The following SRCIN1 variants were observed in gnomAD, a reference collection of about 807,000 sequenced individuals.
SRCIN1 encodes SRC kinase signaling inhibitor 1.
Under a neutral mutation model 116.2 loss-of-function variants are expected in SRCIN1, and 50 were observed. The ratio of observed to expected loss-of-function variants is 0.43; its 90% CI spans 0.34 to 0.54. The LOEUF is 0.54. SRCIN1 is among the 20% of genes least tolerant of loss of function. The probability of loss-of-function intolerance (pLI) is 0.02; values close to 1 mark genes in which losing one functional copy is unlikely to be tolerated. For synonymous variants in SRCIN1, 736 were observed against 750.0 expected (o/e 0.98, Z 0.30); for missense variants, 1,446 against 1,672.0 (o/e 0.86, Z 2.36).
rs756489050 is a variant in SRCIN1, at chr17:38,530,910, C to T, written c.*2387G>A. 1.3e-5 allele frequency: 2 copies of T among 151,840 alleles called. No individual in the cohort carries two copies. Among genetic ancestry groups the T allele is most frequent in the African/African-American group, 2.4e-5 (1 of 41,436 alleles). 9.4% of individuals were successfully genotyped at this position (151,840 alleles called of 1,614,324 possible). On this transcript the variant is annotated 3_prime_UTR_variant, in exon 19 of 19. Transcript: ENST00000617146. Reference sequence around the variant, plus strand: ...TGGGTGCAGGCCCCATGCGTCTGCACACACAGTGCATGGGCTTGTGCCAGC... The same window carrying T: ...TGGGTGCAGGCCCCATGCGTCTGCATACACAGTGCATGGGCTTGTGCCAGC...
chr17:38,584,850 G>A (rs1015570445), intron 1 of SRCIN1, among the ~76,000 whole-genome samples: 1 of 152,202 alleles, frequency 6.6e-6, no homozygotes, highest in Non-Finnish European at 1.5e-5. Flanking sequence ...GGGGAGAGGA[G>A]AGGAGAGGGA....
chr17:38,554,734 G>A (rs1400274706), intron 11 of SRCIN1, among the ~76,000 whole-genome samples: 2 of 152,226 alleles, frequency 1.3e-5, no homozygotes, highest in Non-Finnish European at 2.9e-5. Flanking sequence ...AATGAACAAG[G>A]GAGAGAAGGA....
In SRCIN1 at chr17:38,563,498, C is replaced by T. The variant is rs1434295886; in HGVS notation, c.565G>A (p.Glu189Lys). The change falls in exon 5 of 19, where the codon GAG (glutamate) becomes AAG (lysine). Residue 189 changes from glutamate (E) to lysine (K), a missense_variant. Physicochemically the swap from Glu to Lys is moderately conservative, Grantham distance 56. Around this residue, in one of 5 missense-constraint regions of SRCIN1, gnomAD observed 246 missense variants for 265.1 expected, o/e 0.93. Transcript: ENST00000617146. The surrounding 1 kb of genome is among the most constrained non-coding windows in gnomAD (Gnocchi z 5.8). ...SPGVLFLQFG[E>K]ETRRVHITHE... Reference sequence around the variant, plus strand: ...GTGATGTGCACGCGCCGAGTCTCCTCCCCGAACTGCAGGAACAGCACCCCT... The same window carrying T: ...GTGATGTGCACGCGCCGAGTCTCCTTCCCGAACTGCAGGAACAGCACCCCT... 4 of 1,551,982 alleles carry T rather than the reference C, an allele frequency of 2.6e-6. No homozygotes were observed. The highest frequency in any genetic ancestry group is 1.4e-5 in the African/African-American group (1 of 73,138).
rs1250994196 is a variant in SRCIN1, at chr17:38,530,872, T to A, written c.*2425A>T. 6.6e-6 allele frequency: 1 copy of A among 152,274 alleles called. No homozygotes were observed. Among genetic ancestry groups the A allele is most frequent in the Non-Finnish European group, 1.5e-5 (1 of 68,068 alleles). 9.4% of individuals were successfully genotyped at this position (152,274 alleles called of 1,614,324 possible). A position where few individuals can be genotyped will look rare whatever the true frequency, so the allele number is the denominator to read the frequency against. On this transcript the variant is annotated 3_prime_UTR_variant, in exon 19 of 19. Transcript: ENST00000617146. ...CCCACGCCTTCCCCCACACATGTGC[T>A]CGGCCATGCCTGTGGGTGCAGGCCC...
chr17:38,564,295 T>G lies in SRCIN1; in HGVS notation c.364A>C (p.Thr122Pro). ...GCCAGCCCGGGCTGGGCTCCCTGAG[T>G]GTGGCGTGAGCTGCGGGTCTGCAGG... is the stretch of plus-strand genomic sequence containing the variant. ...WSFKTRSSRHTQGAQPGLADQ... is the reference protein window; with the variant it reads ...WSFKTRSSRHPQGAQPGLADQ... Residue 122 changes from threonine (T) to proline (P), a missense_variant, in exon 4 of 19, where the codon ACT becomes CCT. This residue lies in a region of SRCIN1 where 246 missense variants were observed against 265.1 expected (regional missense o/e 0.93). Coordinates refer to ENST00000617146, the MANE Select transcript of SRCIN1 (RefSeq NM_025248.3). 6.4e-7 allele frequency: 1 copy of G among 1,562,132 alleles called. No homozygotes were observed.
In SRCIN1 at chr17:38,563,688, G is replaced by C. The variant is rs1597906272; in HGVS notation, c.542-167C>G. On this transcript the variant is annotated intron_variant, in intron 4 of 18. Coordinates refer to ENST00000617146, the MANE Select transcript of SRCIN1 (RefSeq NM_025248.3). The surrounding 1 kb of genome is among the most constrained non-coding windows in gnomAD (Gnocchi z 5.8). ...CCCAGGCACCTCTCATGCTGCCGGC[G>C]GGGGCGCCAGGCCGGCTCTCCAGCC... 1.0e-6 allele frequency: 1 copy of C among 969,562 alleles called. No individual in the cohort carries two copies. Among genetic ancestry groups the C allele is most frequent in the South Asian group, 1.4e-5 (1 of 71,944 alleles). 60.1% of individuals were successfully genotyped at this position (969,562 alleles called of 1,614,324 possible).
intron 2 of SRCIN1, among the ~76,000 whole-genome samples, chr17:38,577,005 C>T (rs12949658): frequency 0.082 from 12,417 of 152,252 alleles, 529 homozygotes; most frequent in Middle Eastern, 0.11. Context: ...TGAGCCTTCT[C>T]GCCGGCCAGG....
rs1908066491 is a variant in SRCIN1 at position 38,585,534 on chromosome 17, G to A, written c.23-6743C>T. On this transcript the variant is annotated intron_variant, in intron 1 of 18. Transcript: ENST00000617146. The surrounding 1 kb of genome is among the most constrained non-coding windows in gnomAD (Gnocchi z 4.2). ...CCCGAATTAGGAGAGGGGATCCTTT[G>A]CTTCCCCTGCTAGTGAAGGAATCGG... 6.6e-6 allele frequency among the ~76,000 whole-genome samples: 1 copy of A among 152,168 alleles called. No individual in the cohort carries two copies. Among genetic ancestry groups the A allele is most frequent in the Non-Finnish European group, 1.5e-5 (1 of 68,034 alleles).
Position 38,595,358 on chromosome 17 carries a change from C to G in SRCIN1, c.22+10326G>C, listed in dbSNP as rs1312455178. ...TCAGCTTCCTGAGTAGCTGGGATTACAGACACCCGCCACCACACCCAGCTA... is the reference window on the plus strand; with the variant it reads ...TCAGCTTCCTGAGTAGCTGGGATTAGAGACACCCGCCACCACACCCAGCTA... On this transcript the variant is annotated intron_variant, in intron 1 of 18. Coordinates refer to ENST00000617146, the MANE Select transcript of SRCIN1 (RefSeq NM_025248.3). 2.6e-4 allele frequency among the ~76,000 whole-genome samples: 40 copies of G among 152,130 alleles called. 1 individual carries two copies. The highest frequency in any genetic ancestry group is 2.6e-3 in the Admixed American group (40 of 15,272).
At chr17:38,557,338 T>C (rs1421891465) in intron 11 of SRCIN1, among the ~76,000 whole-genome samples, 8 of 152,180 alleles carry the variant, frequency 5.3e-5, no homozygotes, top group Admixed American at 5.2e-4. Context: ...GGTGAAAAAC[T>C]TAATGCTGGG....
Position 38,562,115 on chromosome 17 carries a change from C to T in SRCIN1, c.1048G>A (p.Glu350Lys), listed in dbSNP as rs1906302308. Reference sequence around the variant, plus strand: ...GCGGCCGGGGCGCCTCCCAGCCTCTCGGCCGCGTGGTGCACCGGGCTGCCG... The same window carrying T: ...GCGGCCGGGGCGCCTCCCAGCCTCTTGGCCGCGTGGTGCACCGGGCTGCCG... ...YAGSPVHHAA[E>K]RLGGAPAAQG... The change falls in exon 7 of 19, where the codon GAG becomes AAG. Residue 350 changes from glutamate to lysine, a missense_variant. Physicochemically the swap from Glu to Lys is moderately conservative, Grantham distance 56. This residue lies in a region of SRCIN1 where 239 missense variants were observed against 317.7 expected (regional missense o/e 0.75). Coordinates refer to ENST00000617146, the MANE Select transcript of SRCIN1 (RefSeq NM_025248.3). This position sits in a 1 kb window ranked among gnomAD's most constrained non-coding sequence, Gnocchi z 4.2. 1 of 1,405,676 alleles carries T rather than the reference C, an allele frequency of 7.1e-7. No homozygotes were observed. Among genetic ancestry groups the T allele is most frequent in the Non-Finnish European group, 9.2e-7 (1 of 1,087,250 alleles). The allele number at this position is 1,405,676 out of a possible 1,614,324, so 87.1% of individuals were successfully genotyped here. A position where few individuals can be genotyped will look rare whatever the true frequency, so the allele number is the denominator to read the frequency against.
rs1441450467 is a variant in SRCIN1 at position 38,561,765 on chromosome 17, G to A, written c.1398C>T (p.Tyr466=). ...GGGGPLYGDG[Y]GFRLPPSSPQ... ...GTGACGAAGGCGGCAGGCGGAAGCC[G>A]TAGCCGTCGCCGTACAGCGGGCCGC... The change falls in exon 7 of 19, where the codon TAC becomes TAT. Residue 466 remains tyrosine, a synonymous_variant. Transcript: ENST00000617146. The A allele has an allele frequency of 6.6e-7, 1 of 1,509,090 alleles. No individual in the cohort carries two copies. Among genetic ancestry groups the A allele is most frequent in the Admixed American group, 2.1e-5 (1 of 47,584 alleles). 93.5% of individuals were successfully genotyped at this position (1,509,090 alleles called of 1,614,324 possible). A position where few individuals can be genotyped will look rare whatever the true frequency, so the allele number is the denominator to read the frequency against.
chr17:38,555,290 C>A (rs1256694176), intron 11 of SRCIN1, among the ~76,000 whole-genome samples: 1 of 152,192 alleles, frequency 6.6e-6, no homozygotes, highest in African/African-American at 2.4e-5. Flanking sequence ...ATGCTGCTTC[C>A]AGACCTGGCT....
chr17:38,533,991 C>T (rs2040965013), intron 18 of SRCIN1, among the ~76,000 whole-genome samples: 1 of 151,852 alleles, frequency 6.6e-6, no homozygotes. Context: ...CCACCACCAC[C>T]TGGAAATCTG....
chr17:38,565,051 C>A (rs960252227), intron 3 of SRCIN1, among the ~76,000 whole-genome samples: 2 of 152,028 alleles, frequency 1.3e-5, no homozygotes, highest in Non-Finnish European at 2.9e-5. Flanking sequence ...CCCCAGGAGC[C>A]TCTGAGTGAC....
chr17:38,603,069 C>A (rs547315182), intron 1 of SRCIN1, among the ~76,000 whole-genome samples: 180 of 152,312 alleles, frequency 1.2e-3, no homozygotes, highest in Middle Eastern at 6.8e-3. Context: ...CCATGCCACC[C>A]CCACCCTCTA....
chr17:38,588,500 G>A (rs1288551114), intron 1 of SRCIN1, among the ~76,000 whole-genome samples: 1 of 152,228 alleles, frequency 6.6e-6, no homozygotes, highest in East Asian at 1.9e-4. Context: ...CAGGCCGAGC[G>A]GGAGGGGAGG....
At chr17:38,561,070 G>A (rs370062346) in intron 7 of SRCIN1, among the ~76,000 whole-genome samples, 4 of 152,320 alleles carry the variant, frequency 2.6e-5, no homozygotes, top group East Asian at 3.9e-4. Flanking sequence ...CCTCCCCAGT[G>A]GACTTCAGCT....
chr17:38,606,789 T>TGACCCG (rs1909391321), upstream of SRCIN1, among the ~76,000 whole-genome samples: 4 of 152,094 alleles, frequency 2.6e-5, no homozygotes, highest in Admixed American at 2.0e-4. The surrounding 1 kb of genome is among the most constrained non-coding windows in gnomAD (Gnocchi z 5.2). Context: ...TCTCCAGCGC[T>TGACCCG]GACCCGGACC....
Sources: gnomAD v4.1 joint callset for allele counts (sites outside exome capture counted in the v4.1 genomes callset) on GRCh38, gnomAD v4.1.1 for gene constraint, gnomAD v4.1.1 regional missense constraint, Gnocchi (gnomAD v3.1) non-coding constraint, MANE v1.5 for transcripts, NCBI Gene and HGNC (gene_info 2026-07-23, HGNC 2026-07-21) for gene names.